PACS2: variants seen among roughly 807,000 people sequenced by gnomAD.
PACS2 encodes the protein phosphofurin acidic cluster sorting protein 2.
PACS2 carries 36 observed loss-of-function variants against 113.0 expected under a neutral mutation model. The observed-to-expected ratio is 0.32, with a 90% CI of 0.24 to 0.42. The LOEUF (loss-of-function observed/expected upper bound fraction) is 0.42, where lower values mean the gene tolerates loss of function less well. Ranked by LOEUF, PACS2 falls within the 10% of genes least tolerant of loss-of-function variation. The pLI is 1.00. For missense variants in PACS2, 1,015 were observed against 1,239.5 expected (o/e 0.82, Z 2.72); for synonymous variants, 589 against 536.1 (o/e 1.10, Z -1.36).
chr14:105,365,267 G>T lies in PACS2; in HGVS notation c.424-1946G>T, dbSNP rs1463438894. Among the ~76,000 whole-genome samples, 1 of 152,208 alleles carries T rather than the reference G, an allele frequency of 6.6e-6. No homozygotes were observed. The highest frequency in any genetic ancestry group is 1.5e-5 in the Non-Finnish European group (1 of 68,034). On this transcript the variant is annotated intron_variant, in intron 4 of 24. Transcript: ENST00000447393. The surrounding 1 kb of genome is among the most constrained non-coding windows in gnomAD (Gnocchi z 5.1). The stretch of plus-strand genomic sequence containing the variant: ...ACCCCAGGGGAGTGCCCAGCTCAGG[G>T]GTGGCTGGCCCCTTGGCAGGAGGAC...
chr14:105,385,675 T>C lies in PACS2; in HGVS notation c.2001-10T>C. 1 of 1,520,012 alleles carries C rather than the reference T, an allele frequency of 6.6e-7. No individual in the cohort carries two copies. Among genetic ancestry groups the C allele is most frequent in the Non-Finnish European group, 8.8e-7 (1 of 1,136,580 alleles). 94.2% of individuals were successfully genotyped at this position (1,520,012 alleles called of 1,614,324 possible). A position where few individuals can be genotyped will look rare whatever the true frequency, so the allele number is the denominator to read the frequency against. On this transcript the variant is annotated splice_polypyrimidine_tract_variant and intron_variant, in intron 18 of 24. Coordinates refer to ENST00000447393, the MANE Select transcript of PACS2 (RefSeq NM_001100913.3). ...GTGTCTGTTTTCTCTTTTGGTGGCT[T>C]TCTGAAAAGGAAAAAGCATTTTCAT...
At position 105,381,113 on chromosome 14, in the gene PACS2, C is replaced by T; in HGVS notation, c.1268+14C>T. ...CCCCTCCACCAGGTGATGGGGGCTG[C>T]ACGGCGGGGCGGGGCGGTGATGCAC... On this transcript the variant is annotated intron_variant, in intron 12 of 24. Coordinates refer to ENST00000447393, the MANE Select transcript of PACS2 (RefSeq NM_001100913.3). 1 of 1,606,614 alleles carries T rather than the reference C, an allele frequency of 6.2e-7. No homozygotes were observed. The highest frequency in any genetic ancestry group is 8.5e-7 in the Non-Finnish European group (1 of 1,176,034).
In PACS2 at chr14:105,314,914, G is replaced by A; in HGVS notation, c.-5G>A. 1 of 1,025,406 alleles carries A rather than the reference G, an allele frequency of 9.8e-7. No homozygotes were observed. Among genetic ancestry groups the A allele is most frequent in the Non-Finnish European group, 1.2e-6 (1 of 856,452 alleles). The allele number at this position is 1,025,406 out of a possible 1,614,324, so 63.5% of individuals were successfully genotyped here. A position where few individuals can be genotyped will look rare whatever the true frequency, so the allele number is the denominator to read the frequency against. On this transcript the variant is annotated 5_prime_UTR_variant, in exon 1 of 25. Transcript: ENST00000447393. The stretch of plus-strand genomic sequence containing the variant: ...GGCCGCCGAGGGAGCGGCGGGGCCG[G>A]CGCCATGGCCGAGCGAGGCCGCCTC...
chr14:105,381,896 T>C lies in PACS2; in HGVS notation c.1269-18T>C. 7 of 1,547,912 alleles carry C rather than the reference T, an allele frequency of 4.5e-6. No individual in the cohort carries two copies. The highest frequency in any genetic ancestry group is 6.1e-6 in the Non-Finnish European group (7 of 1,145,226). Reference sequence around the variant, plus strand: ...TTCCTGCTGCCACAGCCACTTAGCCTGTCCTGGTCCCCAATAGGTCCGAGG... The same window carrying C: ...TTCCTGCTGCCACAGCCACTTAGCCCGTCCTGGTCCCCAATAGGTCCGAGG... On this transcript the variant is annotated intron_variant, in intron 12 of 24. Coordinates refer to ENST00000447393, the MANE Select transcript of PACS2 (RefSeq NM_001100913.3).
chr14:105,320,207 A>G (rs1457706021), intron 1 of PACS2, among the ~76,000 whole-genome samples: 3 of 152,014 alleles, frequency 2.0e-5, no homozygotes, highest in African/African-American at 7.3e-5. Flanking sequence ...CGATCTCCTG[A>G]CCTTGTTATC....
intron 8 of PACS2, chr14:105,372,333 G>T (rs185034190): frequency 1.3e-5 from 2 of 152,246 alleles, no homozygotes; most frequent in Admixed American, 6.5e-5. Flanking sequence ...TTCAACAAGG[G>T]TGCCAAGTTC....
At chr14:105,343,589 G>A (rs1198026936) in intron 1 of PACS2, among the ~76,000 whole-genome samples, 2 of 151,922 alleles carry the variant, frequency 1.3e-5, no homozygotes, top group Non-Finnish European at 2.9e-5. Flanking sequence ...ATCTCGTTTG[G>A]TTTTAATTTG....
intron 8 of PACS2, among the ~76,000 whole-genome samples, chr14:105,375,333 C>T (rs1299036422): frequency 6.6e-6 from 1 of 151,980 alleles, no homozygotes; most frequent in Non-Finnish European, 1.5e-5. Flanking sequence ...CAAAAAGTAG[C>T]CGGGCGTGGT....
chr14:105,361,202 G>A (rs995843656), intron 4 of PACS2, among the ~76,000 whole-genome samples: 1 of 152,216 alleles, frequency 6.6e-6, no homozygotes, highest in African/African-American at 2.4e-5. Context: ...CATCAAGAAT[G>A]GTGAATCCAG....
intron 4 of PACS2, among the ~76,000 whole-genome samples, chr14:105,359,151 C>T (rs1395985775): frequency 3.3e-5 from 5 of 152,188 alleles, no homozygotes; most frequent in African/African-American, 4.8e-5. Flanking sequence ...CACCCCTACG[C>T]GGCGGTGCGT....
intron 1 of PACS2, among the ~76,000 whole-genome samples, chr14:105,318,833 T>A (rs1025702061): frequency 1.3e-4 from 20 of 149,530 alleles, no homozygotes; most frequent in African/African-American, 2.2e-4. Context: ...TAATTTTTTT[T>A]ATATTTTTAG....
chr14:105,384,093 C>G, intron 16 of PACS2: 1 of 485,480 alleles, frequency 2.1e-6, no homozygotes, highest in Non-Finnish European at 3.7e-6. Context: ...TCTGCACGGT[C>G]ACATGTGCCC....
chr14:105,325,642 C>T (rs1043124515), intron 1 of PACS2, among the ~76,000 whole-genome samples: 4 of 152,250 alleles, frequency 2.6e-5, no homozygotes, highest in African/African-American at 9.6e-5. Context: ...AGCCTCCCTT[C>T]AGCCTTCCCC....
rs1484739835 is a variant in PACS2 at position 105,366,824 on chromosome 14, G to T, written c.424-389G>T. On this transcript the variant is annotated intron_variant, in intron 4 of 24. Coordinates refer to ENST00000447393, the MANE Select transcript of PACS2 (RefSeq NM_001100913.3). The surrounding 1 kb of genome is among the most constrained non-coding windows in gnomAD (Gnocchi z 4.3). ...TGGAGCAGGGGGCCAGGATCTTCCTGGGTGGCACTGCATGGACAGCAGTCG... is the reference window on the plus strand; with the variant it reads ...TGGAGCAGGGGGCCAGGATCTTCCTTGGTGGCACTGCATGGACAGCAGTCG... Among the ~76,000 whole-genome samples the T allele has an allele frequency of 6.6e-6, 1 of 152,200 alleles. No individual in the cohort carries two copies. Among genetic ancestry groups the T allele is most frequent in the East Asian group, 1.9e-4 (1 of 5,198 alleles).
chr14:105,313,075 G>A (rs1161366386), upstream of PACS2, among the ~76,000 whole-genome samples: 1 of 152,184 alleles, frequency 6.6e-6, no homozygotes, highest in Non-Finnish European at 1.5e-5. Context: ...GTGGCAGCTG[G>A]TGCCAAGCCC....
At position 105,393,872 on chromosome 14, in the gene PACS2, C is replaced by T. The variant is rs897472864; in HGVS notation, c.2596+537C>T. ...TCCCAAAGTGCTGGGATTATGGGCG[C>T]GAGCCACCGCACCTGGCCTAAAAAT... On this transcript the variant is annotated intron_variant, in intron 24 of 24. Transcript: ENST00000447393. Among the ~76,000 whole-genome samples, 6 of 151,754 alleles carry T rather than the reference C, an allele frequency of 4.0e-5. No individual in the cohort carries two copies. In the South Asian group the frequency reaches 1.0e-3, roughly 26 times the overall value.
At chr14:105,301,555 G>A (rs1273885672) in intron 1 of PACS2, among the ~76,000 whole-genome samples, 2 of 152,194 alleles carry the variant, frequency 1.3e-5, no homozygotes, top group Non-Finnish European at 2.9e-5. Flanking sequence ...CGCAGAGGTG[G>A]AGACACCCGC....
At chr14:105,368,654 A>G (rs1555408612) in intron 7 of PACS2, 115 bp downstream of exon 7, 1 of 793,252 alleles carries the variant, frequency 1.3e-6, no homozygotes, top group African/African-American at 1.7e-5. Context: ...CCCAGGTCAC[A>G]GCAGCATGTC....
chr14:105,352,973 C>A (rs1447310300), intron 3 of PACS2, among the ~76,000 whole-genome samples: 1 of 118,344 alleles, frequency 8.4e-6, no homozygotes, highest in African/African-American at 3.4e-5. Context: ...GGGCACCCCT[C>A]ATCACTGTCC....
Sources: gnomAD v4.1 joint callset for allele counts (sites outside exome capture counted in the v4.1 genomes callset) on GRCh38, gnomAD v4.1.1 for gene constraint, Gnocchi (gnomAD v3.1) non-coding constraint, MANE v1.5 for transcripts, NCBI Gene and HGNC (gene_info 2026-07-23, HGNC 2026-07-21) for gene names.